Variants in TEX10 observed in about 807,000 individuals in gnomAD.
TEX10 encodes the protein testis expressed 10, also known as testis-expressed protein 10.
TEX10 carries 24 observed loss-of-function variants against 104.4 expected under a neutral mutation model. That is an observed-to-expected ratio of 0.23 (90% CI 0.17 to 0.32). The LOEUF is 0.32. Among genes scored for constraint, TEX10 ranks in the 10% least tolerant of loss-of-function variants. The probability of loss-of-function intolerance (pLI) is 1.00; values close to 1 mark genes in which losing one functional copy is unlikely to be tolerated. For missense variants in TEX10, 921 were observed against 1,083.9 expected, an observed-to-expected ratio of 0.85 and a Z score of 2.11; for synonymous variants, 396 against 393.4, an observed-to-expected ratio of 1.01 and a Z score of -0.08.
intron 1 of TEX10, among the ~76,000 whole-genome samples, chr9:100,351,931 C>G (rs1343519352): frequency 6.6e-6 from 1 of 152,166 alleles, no homozygotes; most frequent in Non-Finnish European, 1.5e-5. Flanking sequence ...GAACGCCAGT[C>G]TCAGAGGAGG....
At chr9:100,314,390 G>A (rs531808898) in intron 11 of TEX10, among the ~76,000 whole-genome samples, 1 of 152,138 alleles carries the variant, frequency 6.6e-6, no homozygotes, top group South Asian at 2.1e-4. Flanking sequence ...CCGGCCTGGA[G>A]ATTTTTTTAT....
chr9:100,323,607 A>G (rs1397911671), intron 9 of TEX10, among the ~76,000 whole-genome samples: 1 of 152,250 alleles, frequency 6.6e-6, no homozygotes, highest in Non-Finnish European at 1.5e-5. Flanking sequence ...ACTGGTTGGT[A>G]AAAAGGTAGA....
intron 5 of TEX10, among the ~76,000 whole-genome samples, chr9:100,335,568 CTTG>C (rs1187520729): frequency 6.6e-6 from 1 of 151,916 alleles, no homozygotes; most frequent in African/African-American, 2.4e-5. Flanking sequence ...GTGAAACTGG[CTTG>C]TTTTTTTTTC....
At chr9:100,346,518 TATAA>T (rs1338462251) in intron 3 of TEX10, among the ~76,000 whole-genome samples, 172 bp downstream of exon 3, 1 of 152,234 alleles carries the variant, frequency 6.6e-6, no homozygotes, top group Non-Finnish European at 1.5e-5. Context: ...AAGGCTTTGC[TATAA>T]ATAAATTAAC....
At chr9:100,345,983 C>T in intron 4 of TEX10, 89 bp downstream of exon 4, 1 of 1,407,526 alleles carries the variant, frequency 7.1e-7, no homozygotes, top group Non-Finnish European at 9.5e-7. Context: ...AATATATAAC[C>T]AATTAGTAGT....
At chr9:100,320,205 A>G in intron 11 of TEX10, 60 bp downstream of exon 11, 14 of 1,490,622 alleles carry the variant, frequency 9.4e-6, no homozygotes, top group Non-Finnish European at 1.3e-5. Flanking sequence ...TATAGTAACT[A>G]TTACTGGTTG....
chr9:100,329,857 A>G lies in TEX10; in HGVS notation c.1489+74T>C. Reference sequence around the variant, plus strand: ...CTACATGGAATGTTTACAAGCCATCATTTCAAAGCTAGACCTTAAGATAGC... The same window carrying G: ...CTACATGGAATGTTTACAAGCCATCGTTTCAAAGCTAGACCTTAAGATAGC... On this transcript the variant is annotated intron_variant, in intron 6 of 14. Coordinates refer to ENST00000374902, the MANE Select transcript of TEX10 (RefSeq NM_017746.4). The G allele has an allele frequency of 4.0e-6, 5 of 1,262,448 alleles. No individual in the cohort carries two copies. The South Asian group carries it at 7.0e-5, about 18-fold the overall frequency. 78.2% of individuals were successfully genotyped at this position (1,262,448 alleles called of 1,614,324 possible).
chr9:100,317,139 C>T lies in TEX10; in HGVS notation c.2202+3126G>A, dbSNP rs537819916. 1.1e-4 allele frequency among the ~76,000 whole-genome samples: 16 copies of T among 151,980 alleles called. No individual in the cohort carries two copies. The South Asian group carries it at 3.1e-3, about 30-fold the overall frequency. On this transcript the variant is annotated intron_variant, in intron 11 of 14. Coordinates refer to ENST00000374902, the MANE Select transcript of TEX10 (RefSeq NM_017746.4). ...CATTTTTCACAAAATTAGAAAAAAA[C>T]CATCCTAAAAATAATATGGAACCAA... is the stretch of plus-strand genomic sequence containing the variant.
chr9:100,345,748 T>G (rs1048569904), intron 4 of TEX10, among the ~76,000 whole-genome samples: 1 of 152,130 alleles, frequency 6.6e-6, no homozygotes, highest in African/African-American at 2.4e-5. Context: ...TAAGAGACCT[T>G]TCAGAAACTA....
intron 3 of TEX10, 107 bp from the exon 4 acceptor site, chr9:100,346,422 C>T: frequency 7.2e-6 from 9 of 1,256,656 alleles, no homozygotes; most frequent in South Asian, 5.0e-5. Context: ...GCACCATGAA[C>T]TGATAATTAC....
chr9:100,302,104 A>T lies in TEX10; in HGVS notation c.*87T>A. ...TAAACTTCTTTAAAAGTTCAGCTTT[A>T]ATGACAAAGATCTATTACATCAGTC... is the stretch of plus-strand genomic sequence containing the variant. On this transcript the variant is annotated 3_prime_UTR_variant, in exon 15 of 15. Transcript: ENST00000374902. 1 of 774,142 alleles carries T rather than the reference A, an allele frequency of 1.3e-6. No homozygotes were observed. Among genetic ancestry groups the T allele is most frequent in the Non-Finnish European group, 2.0e-6 (1 of 498,926 alleles). The allele number at this position is 774,142 out of a possible 1,614,324, so 48.0% of individuals were successfully genotyped here. A position where few individuals can be genotyped will look rare whatever the true frequency, so the allele number is the denominator to read the frequency against.
At position 100,329,518 on chromosome 9, in the gene TEX10, A is replaced by C. The variant is rs1228715455; in HGVS notation, c.1490-243T>G. ...GAATGACAAAAACCAGAATATTAGA[A>C]AGGCAATTTAGATGGGAACCAAATA... On this transcript the variant is annotated intron_variant, in intron 6 of 14. Coordinates refer to ENST00000374902, the MANE Select transcript of TEX10 (RefSeq NM_017746.4). Among the ~76,000 whole-genome samples, 5 of 152,206 alleles carry C rather than the reference A, an allele frequency of 3.3e-5. 1 individual carries two copies. The highest frequency in any genetic ancestry group is 9.6e-5 in the African/African-American group (4 of 41,456).
rs765750962 is a variant in TEX10 at position 100,303,831 on chromosome 9, C to A, written c.2477G>T (p.Trp826Leu). 6 of 1,613,814 alleles carry A rather than the reference C, an allele frequency of 3.7e-6. No homozygotes were observed. In the Admixed American group the frequency reaches 5.0e-5, roughly 13 times the overall value. The change falls in exon 14 of 15, where the codon TGG becomes TTG. Residue 826 changes from tryptophan to leucine, a missense_variant. Around this residue, in one of 3 missense-constraint regions of TEX10, gnomAD observed 753 missense variants for 868.4 expected, o/e 0.87. Coordinates refer to ENST00000374902, the MANE Select transcript of TEX10 (RefSeq NM_017746.4). The stretch of plus-strand genomic sequence containing the variant: ...AGCCAGGATGGAGACACAGACCCCC[C>A]ACAGCTTGTCCCTACAATAACAGAG... ...AEHLRKRDKL[W>L]GVCVSILALL...
At chr9:100,340,052 C>T (rs1703106368) in intron 5 of TEX10, among the ~76,000 whole-genome samples, 1 of 152,100 alleles carries the variant, frequency 6.6e-6, no homozygotes, top group Non-Finnish European at 1.5e-5. Context: ...AACCATTTTA[C>T]AGACTAAAAA....
chr9:100,330,006 A>G lies in TEX10; in HGVS notation c.1414T>C (p.Ser472Pro). The change falls in exon 6 of 15, where the codon TCT (serine) becomes CCT (proline). Residue 472 changes from serine (S) to proline (P), a missense_variant. Ser to Pro is a moderately conservative substitution (Grantham distance 74, BLOSUM62 -1). Coordinates refer to ENST00000374902, the MANE Select transcript of TEX10 (RefSeq NM_017746.4). Reference sequence around the variant, plus strand: ...TTCAGTTGCTTACTATTTAGCCTAGAGCCATCTTCAAGGGTCTCTGTTACA... The same window carrying G: ...TTCAGTTGCTTACTATTTAGCCTAGGGCCATCTTCAAGGGTCTCTGTTACA... ...KFVTETLEDG[S>P]RLNSKQLNRL... is the part of the protein sequence containing the mutation. 1 of 1,614,152 alleles carries G rather than the reference A, an allele frequency of 6.2e-7. No individual in the cohort carries two copies. The highest frequency in any genetic ancestry group is 8.5e-7 in the Non-Finnish European group (1 of 1,180,012).
In TEX10 at chr9:100,329,373, T is replaced by C. The variant is rs551915452; in HGVS notation, c.1490-98A>G. On this transcript the variant is annotated intron_variant, in intron 6 of 14. Transcript: ENST00000374902. The stretch of plus-strand genomic sequence containing the variant: ...ACCGAAGTACTTTACTTTCTTCCTA[T>C]GGCAAAGCCAATTTTAGCCACAAAT... 1.6e-5 allele frequency: 23 copies of C among 1,431,478 alleles called. No individual in the cohort carries two copies. In the East Asian group the frequency reaches 4.8e-4, roughly 30 times the overall value. The allele number at this position is 1,431,478 out of a possible 1,614,324, so 88.7% of individuals were successfully genotyped here.
chr9:100,330,045 T>C lies in TEX10; in HGVS notation c.1375A>G (p.Met459Val), dbSNP rs1344742246. The change falls in exon 6 of 15, where the codon ATG (methionine) becomes GTG (valine). Residue 459 changes from methionine to valine, a missense_variant. Physicochemically the swap from Met to Val is conservative, Grantham distance 21. Coordinates refer to ENST00000374902, the MANE Select transcript of TEX10 (RefSeq NM_017746.4). ...TLQKDCSWIE[M>V]IRKFVTETLE... is the part of the protein sequence containing the mutation. ...GTCTCTGTTACAAATTTCCTTATCATTTCTATCCAACTGCAATCCTTCTGC... is the reference window on the plus strand; with the variant it reads ...GTCTCTGTTACAAATTTCCTTATCACTTCTATCCAACTGCAATCCTTCTGC... 1.3e-5 allele frequency: 21 copies of C among 1,614,030 alleles called. No homozygotes were observed. Among genetic ancestry groups the C allele is most frequent in the African/African-American group, 4.0e-5 (3 of 74,926 alleles).
At chr9:100,304,192 C>A in intron 13 of TEX10, 1 of 283,152 alleles carries the variant, frequency 3.5e-6, no homozygotes, top group Non-Finnish European at 6.8e-6. Context: ...CCTACAGATT[C>A]AACTGTATTC....
chr9:100,324,560 A>C (rs1354093009), intron 9 of TEX10, among the ~76,000 whole-genome samples: 4 of 152,246 alleles, frequency 2.6e-5, no homozygotes, highest in African/African-American at 9.6e-5. Flanking sequence ...ATGAGTCTGT[A>C]TTATCAGTAT....
Sources: gnomAD v4.1 joint callset for allele counts (sites outside exome capture counted in the v4.1 genomes callset) on GRCh38, gnomAD v4.1.1 for gene constraint, gnomAD v4.1.1 regional missense constraint, MANE v1.5 for transcripts, NCBI Gene and HGNC (gene_info 2026-07-23, HGNC 2026-07-21) for gene names.